Variants in ZMAT1 observed in about 807,000 individuals in gnomAD.
The protein encoded by ZMAT1 is zinc finger matrin-type protein 1.
ZMAT1 carries 11 observed loss-of-function variants against 18.5 expected under a neutral mutation model. The observed-to-expected ratio is 0.59, with a 90% CI of 0.37 to 0.98. The LOEUF (loss-of-function observed/expected upper bound fraction) is 0.98. Among genes scored for constraint, ZMAT1 ranks in the 50% least tolerant of loss-of-function variants. ZMAT1 has a pLI of 0.01. For synonymous variants in ZMAT1, 211 were observed against 176.4 expected, an observed-to-expected ratio of 1.20 and a Z score of -1.55; for missense variants, 525 against 496.2, an observed-to-expected ratio of 1.06 and a Z score of -0.55.
At chrX:101,899,531 C>T (rs1277602409) in intron 2 of ZMAT1, among the ~76,000 whole-genome samples, 2 of 111,780 alleles carry the variant, frequency 1.8e-5, no homozygotes, top group Non-Finnish European at 3.8e-5. Context: ...AGCTTAGCTC[C>T]CACATATCAG....
At chrX:101,919,995 T>C (rs1255520127) in intron 1 of ZMAT1, among the ~76,000 whole-genome samples, 2 of 109,669 alleles carry the variant, frequency 1.8e-5, no homozygotes, top group Non-Finnish European at 3.8e-5. Context: ...TATTAAAGCT[T>C]GAGTTTAGAA....
chrX:101,898,566 G>A (rs1477234713), intron 2 of ZMAT1, among the ~76,000 whole-genome samples: 1 of 111,701 alleles, frequency 9.0e-6, no homozygotes, highest in East Asian at 2.8e-4. Context: ...CTAGATTCTG[G>A]TCAATAAGAT....
intron 1 of ZMAT1, chrX:101,918,715 ATTTCT>A (rs1172687956): frequency 9.0e-6 from 1 of 111,355 alleles, no homozygotes; most frequent in Non-Finnish European, 1.9e-5. Context: ...CAGAAGAACC[ATTTCT>A]TTTAAGGAAA....
intron 1 of ZMAT1, among the ~76,000 whole-genome samples, chrX:101,905,421 A>AT (rs1928545186): frequency 8.9e-6 from 1 of 112,390 alleles, no homozygotes; most frequent in Admixed American, 9.4e-5. Context: ...AAGTTTATCC[A>AT]TTTTTTATAC....
chrX:101,892,187 G>C (rs776888089), intron 4 of ZMAT1, among the ~76,000 whole-genome samples: 1 of 111,303 alleles, frequency 9.0e-6, no homozygotes, highest in South Asian at 3.7e-4. Flanking sequence ...AAGAGGTTAG[G>C]TACCAAGACT....
chrX:101,898,243 T>G (rs761584692), intron 2 of ZMAT1, 23 bp from the exon 3 acceptor site: 1 of 1,163,438 alleles, frequency 8.6e-7, no homozygotes, highest in Non-Finnish European at 1.2e-6. Flanking sequence ...ATAATATGAC[T>G]TTGTTTATTC....
At position 101,890,786 on chromosome X, in the gene ZMAT1, T is replaced by C. The variant is rs758748225; in HGVS notation, c.677-4055A>G. On this transcript the variant is annotated intron_variant, in intron 4 of 5. Transcript: ENST00000651725. ...GTCTTAGCTAAACTTGGAGGGATGA[T>C]GAATAGTTAACCTGAAAAGAGTTGA... 7.2e-5 allele frequency among the ~76,000 whole-genome samples: 8 copies of C among 111,064 alleles called. No individual in the cohort carries two copies. The East Asian group carries it at 2.3e-3, about 32-fold the overall frequency.
intron 4 of ZMAT1, chrX:101,894,701 CAG>C (rs1181246382): frequency 4.1e-6 from 3 of 738,120 alleles, no homozygotes; most frequent in Non-Finnish European, 3.2e-6. Flanking sequence ...AAAAAAGAAA[CAG>C]AAATAGAGAA....
chrX:101,897,754 C>A (rs905361876), intron 4 of ZMAT1, 114 bp downstream of exon 4: 5 of 571,770 alleles, frequency 8.7e-6, no homozygotes, highest in East Asian at 7.0e-5. Context: ...GAATAATAAT[C>A]AAGTTATTTC....
chrX:101,905,897 A>AC (rs1928585521), intron 1 of ZMAT1, among the ~76,000 whole-genome samples: 4 of 79,104 alleles, frequency 5.1e-5, no homozygotes, highest in African/African-American at 1.7e-4. Context: ...CTAAAAAAAA[A>AC]AAAAAAAACA....
chrX:101,920,052 T>TTC (rs1175793414), intron 1 of ZMAT1, among the ~76,000 whole-genome samples: 1 of 108,466 alleles, frequency 9.2e-6, no homozygotes, highest in African/African-American at 3.4e-5. Context: ...ACTTTTTTTT[T>TTC]TTTTTTGAAA....
In ZMAT1 at chrX:101,906,689, C is replaced by T. The variant is rs188151670; in HGVS notation, c.293-2359G>A. Among the ~76,000 whole-genome samples, 554 of 111,538 alleles carry T rather than the reference C, an allele frequency of 5.0e-3. 3 individuals are homozygous for T. The highest frequency in any genetic ancestry group is 0.016 in the African/African-American group (502 of 30,682). On this transcript the variant is annotated intron_variant, in intron 1 of 5. Coordinates refer to ENST00000651725, the MANE Select transcript of ZMAT1 (RefSeq NM_001394560.1). The stretch of plus-strand genomic sequence containing the variant: ...AGGTCCCAGGCTGGCCCTGTGGCTC[C>T]AAGACCCACATTAGCCCCCAGGGAC...
intron 1 of ZMAT1, among the ~76,000 whole-genome samples, chrX:101,906,327 T>A (rs1343298747): frequency 9.0e-6 from 1 of 111,394 alleles, no homozygotes; most frequent in Non-Finnish European, 1.9e-5. Flanking sequence ...CTCCCAAGGC[T>A]CCTGGCTTCA....
chrX:101,924,971 C>A (rs777546747), intron 1 of ZMAT1, among the ~76,000 whole-genome samples: 2 of 111,793 alleles, frequency 1.8e-5, no homozygotes, highest in Non-Finnish European at 3.8e-5. Context: ...GTTAATGCCA[C>A]TGAATTTCAC....
intron 4 of ZMAT1, 121 bp downstream of exon 4, chrX:101,897,747 T>G (rs45575831): frequency 0.018 from 9,910 of 554,741 alleles, 92 homozygotes; most frequent in Non-Finnish European, 0.023. Context: ...GGAAGAAGAA[T>G]AATAATCAAG....
intron 4 of ZMAT1, chrX:101,886,966 C>T: frequency 1.1e-5 from 3 of 262,683 alleles, no homozygotes; most frequent in South Asian, 1.3e-4. Flanking sequence ...TACACCACAC[C>T]ACACTGCTTC....
intron 1 of ZMAT1, chrX:101,911,766 G>C: frequency 8.3e-7 from 1 of 1,209,145 alleles, no homozygotes; most frequent in Non-Finnish European, 1.1e-6. Flanking sequence ...CAGTGTGGCA[G>C]AGCCTTCGGC....
chrX:101,897,124 G>A (rs1927870075), intron 4 of ZMAT1, among the ~76,000 whole-genome samples: 1 of 109,564 alleles, frequency 9.1e-6, no homozygotes, highest in African/African-American at 3.3e-5. Flanking sequence ...AAGACGCCAA[G>A]GGGAAGAAGT....
intron 1 of ZMAT1, among the ~76,000 whole-genome samples, chrX:101,911,203 G>A (rs2147645866): frequency 9.0e-6 from 1 of 111,715 alleles, no homozygotes; most frequent in African/African-American, 3.2e-5. Context: ...CCTTAAACAT[G>A]AAGGAGAAGT....
Sources: allele counts gnomAD v4.1 joint callset (sites outside exome capture counted in the v4.1 genomes callset), GRCh38; gene constraint gnomAD v4.1.1; transcripts MANE v1.5; gene names NCBI Gene and HGNC (gene_info 2026-07-23, HGNC 2026-07-21).